Variants in ADAMTS17 observed in about 807,000 individuals in gnomAD.
ADAMTS17 encodes A disintegrin and metalloproteinase with thrombospondin motifs 17.
ADAMTS17 carries 113 observed loss-of-function variants against 141.5 expected under a neutral mutation model. That is an observed-to-expected ratio of 0.80 (90% CI 0.69 to 0.93). ADAMTS17 has a LOEUF of 0.93. Among genes scored for constraint, ADAMTS17 ranks in the 40% least tolerant of loss-of-function variants. ADAMTS17 has a pLI of 0.00. For missense variants in ADAMTS17, 1,659 were observed against 1,517.9 expected, an observed-to-expected ratio of 1.09 and a Z score of -1.54; for synonymous variants, 768 against 630.6, an observed-to-expected ratio of 1.22 and a Z score of -3.27.
At chr15:100,215,879 G>A (rs1221537453) in intron 7 of ADAMTS17, among the ~76,000 whole-genome samples, 7 of 151,952 alleles carry the variant, frequency 4.6e-5, no homozygotes, top group South Asian at 2.1e-4. Flanking sequence ...CAGAGTTTAG[G>A]TGTCGCTGAC....
At chr15:100,218,961 A>G (rs948727841) in intron 7 of ADAMTS17, among the ~76,000 whole-genome samples, 1 of 152,218 alleles carries the variant, frequency 6.6e-6, no homozygotes, top group East Asian at 1.9e-4. Flanking sequence ...CTAAACATGT[A>G]TATGCAATGG....
intron 6 of ADAMTS17, among the ~76,000 whole-genome samples, chr15:100,260,339 C>A (rs746300361): frequency 1.4e-4 from 22 of 151,902 alleles, no homozygotes; most frequent in Non-Finnish European, 2.9e-4. Context: ...GATGGCCAGG[C>A]GTGGTGGCTC....
chr15:100,332,964 C>T (rs1021516158), intron 2 of ADAMTS17, among the ~76,000 whole-genome samples: 2 of 152,178 alleles, frequency 1.3e-5, no homozygotes, highest in African/African-American at 4.8e-5. Context: ...CTGCCTCCTC[C>T]TCCCTCACTG....
chr15:100,332,740 A>G (rs2046093472), intron 2 of ADAMTS17, among the ~76,000 whole-genome samples: 1 of 152,210 alleles, frequency 6.6e-6, no homozygotes, highest in Admixed American at 6.5e-5. Context: ...GTTTTTCTTT[A>G]CAATTCTCAG....
Position 99,992,962 on chromosome 15 carries a change from T to C in ADAMTS17, c.2949+86A>G, listed in dbSNP as rs774685918. The C allele has an allele frequency of 1.2e-3, 1,874 of 1,562,170 alleles. 1 individual carries two copies. Among genetic ancestry groups the C allele is most frequent in the Non-Finnish European group, 1.5e-3 (1,713 of 1,140,794 alleles). On this transcript the variant is annotated intron_variant, in intron 20 of 21. Coordinates refer to ENST00000268070, the MANE Select transcript of ADAMTS17 (RefSeq NM_139057.4). ...GTTACGCTGGGACTGCCGCGTAGAA[T>C]TGGGACCCGTCACAAGAGCTGAGTT...
rs534614626 is a variant in ADAMTS17, at chr15:100,050,478, C to T, written c.2455+1094G>A. Among the ~76,000 whole-genome samples the T allele has an allele frequency of 1.2e-4, 19 of 152,230 alleles. 1 individual carries two copies. Among genetic ancestry groups the T allele is most frequent in the African/African-American group, 3.6e-4 (15 of 41,532 alleles). On this transcript the variant is annotated intron_variant, in intron 17 of 21. Coordinates refer to ENST00000268070, the MANE Select transcript of ADAMTS17 (RefSeq NM_139057.4). ...AGGATGCAGGGCTGATGGTGGTATC[C>T]GGAGGCTATGCCAACTGCCGCAGGG... is the stretch of plus-strand genomic sequence containing the variant.
intron 8 of ADAMTS17, among the ~76,000 whole-genome samples, chr15:100,185,464 T>G (rs2040680583): frequency 6.6e-6 from 1 of 152,196 alleles, no homozygotes; most frequent in Non-Finnish European, 1.5e-5. Context: ...CATGAGGGTC[T>G]AAAGTGAGAT....
intron 3 of ADAMTS17, among the ~76,000 whole-genome samples, chr15:100,320,190 G>C (rs990437622): frequency 6.6e-6 from 1 of 151,934 alleles, no homozygotes; most frequent in African/African-American, 2.4e-5. Flanking sequence ...GACCAAAAAC[G>C]CAAAAAGATG....
Position 99,974,542 on chromosome 15 carries a change from T to C in ADAMTS17, c.3148A>G (p.Thr1050Ala), listed in dbSNP as rs763372199. ...CAATATACCGTCCACTGGTCTCGTG[T>C]GCATTTGTAGGTCAGAGCAGCTAAG... ...PRLAALTYKC[T>A]RDQWTVYCRV... Residue 1050 changes from threonine (T) to alanine (A), a missense_variant, in exon 22 of 22, where the codon ACA becomes GCA. Coordinates refer to ENST00000268070, the MANE Select transcript of ADAMTS17 (RefSeq NM_139057.4). 1.2e-6 allele frequency: 2 copies of C among 1,614,260 alleles called. No individual in the cohort carries two copies. Among genetic ancestry groups the C allele is most frequent in the South Asian group, 2.2e-5 (2 of 91,090 alleles).
intron 13 of ADAMTS17, among the ~76,000 whole-genome samples, chr15:100,113,964 C>T (rs1364726866): frequency 1.3e-5 from 2 of 152,210 alleles, no homozygotes; most frequent in African/African-American, 4.8e-5. Context: ...AAGGTTTCCA[C>T]TTCAATGAGA....
At position 100,207,466 on chromosome 15, in the gene ADAMTS17, C is replaced by G. The variant is rs184018876; in HGVS notation, c.1076-8043G>C. 2.2e-3 allele frequency among the ~76,000 whole-genome samples: 339 copies of G among 152,156 alleles called. 3 individuals are homozygous for G. The highest frequency in any genetic ancestry group is 7.8e-3 in the African/African-American group (322 of 41,510). On this transcript the variant is annotated intron_variant, in intron 7 of 21. Transcript: ENST00000268070. ...GTCCCCTTGCTCAAACATGGCTAACCCACGAGCATGGCGGCCACCGGAACT... is the reference window on the plus strand; with the variant it reads ...GTCCCCTTGCTCAAACATGGCTAACGCACGAGCATGGCGGCCACCGGAACT...
At chr15:100,195,723 C>A (rs867796875) in intron 8 of ADAMTS17, among the ~76,000 whole-genome samples, 14 of 151,006 alleles carry the variant, frequency 9.3e-5, no homozygotes, top group Admixed American at 6.6e-4. Flanking sequence ...CTCCATGATA[C>A]GGTCATTGTC....
chr15:100,182,823 A>G (rs2040571550), intron 8 of ADAMTS17, among the ~76,000 whole-genome samples: 2 of 152,040 alleles, frequency 1.3e-5, no homozygotes, highest in African/African-American at 4.8e-5. Context: ...TTTAGTTTTG[A>G]TGTGCCTTAG....
At chr15:100,313,582 C>A (rs2045470040) in intron 3 of ADAMTS17, among the ~76,000 whole-genome samples, 1 of 152,202 alleles carries the variant, frequency 6.6e-6, no homozygotes, top group African/African-American at 2.4e-5. Flanking sequence ...ATCTACAACT[C>A]CATGCAGCTA....
chr15:100,323,309 T>C (rs567627252), intron 3 of ADAMTS17, among the ~76,000 whole-genome samples: 7 of 152,264 alleles, frequency 4.6e-5, no homozygotes, highest in African/African-American at 1.7e-4. Context: ...GTTAAATAAA[T>C]AACCCAAGGT....
chr15:100,123,654 T>C (rs2037568436), intron 12 of ADAMTS17, among the ~76,000 whole-genome samples: 1 of 152,238 alleles, frequency 6.6e-6, no homozygotes, highest in African/African-American at 2.4e-5. Flanking sequence ...TTCTAACCAT[T>C]ACTTCATTAA....
At chr15:100,237,257 C>T (rs1005454132) in intron 7 of ADAMTS17, among the ~76,000 whole-genome samples, 1 of 152,156 alleles carries the variant, frequency 6.6e-6, no homozygotes, top group Admixed American at 6.5e-5. Flanking sequence ...GGTCTGAGGA[C>T]GGCACCAGGC....
At chr15:100,112,651 C>T (rs1333941311) in intron 13 of ADAMTS17, among the ~76,000 whole-genome samples, 1 of 152,132 alleles carries the variant, frequency 6.6e-6, no homozygotes, top group Non-Finnish European at 1.5e-5. Flanking sequence ...ATCACATTTT[C>T]TTAAAAGTTA....
Position 100,337,350 on chromosome 15 carries a change from TG to T in ADAMTS17, c.450+3688del, listed in dbSNP as rs1458661806. Reference sequence around the variant, plus strand: ...CTGCAGTCAGGCTGACCAGTCAGAGTGAGGTGGGCTGGGCCACCAGACTGAC... The same window carrying T: ...CTGCAGTCAGGCTGACCAGTCAGAGTAGGTGGGCTGGGCCACCAGACTGAC... On this transcript the variant is annotated intron_variant, in intron 2 of 21. Transcript: ENST00000268070. 2.6e-5 allele frequency among the ~76,000 whole-genome samples: 4 copies of T among 152,210 alleles called. No homozygotes were observed. The East Asian group carries it at 7.7e-4, about 29-fold the overall frequency.
Sources: gnomAD v4.1 joint callset for allele counts (sites outside exome capture counted in the v4.1 genomes callset) on GRCh38, gnomAD v4.1.1 for gene constraint, MANE v1.5 for transcripts, NCBI Gene and HGNC (gene_info 2026-07-23, HGNC 2026-07-21) for gene names.